The following HR variants were observed in gnomAD, a reference collection of about 807,000 sequenced individuals.
The protein encoded by HR is lysine-specific demethylase hairless.
A neutral mutation model predicts 128.6 loss-of-function variants in HR; 83 were observed. That is an observed-to-expected ratio of 0.65 (90% CI 0.54 to 0.77). The LOEUF (loss-of-function observed/expected upper bound fraction) is 0.77. HR is among the 30% of genes least tolerant of loss of function. The pLI, the probability that HR is intolerant of heterozygous loss-of-function variation, is 0.00. For missense variants in HR, 1,490 were observed against 1,574.6 expected (o/e 0.95, Z 0.91); for synonymous variants, 681 against 658.2 (o/e 1.03, Z -0.53).
At chr8:22,128,310 A>C (rs567831513) in intron 2 of HR, 2 of 602,822 alleles carry the variant, frequency 3.3e-6, no homozygotes, top group African/African-American at 3.7e-5. Context: ...CCAGGACCTT[A>C]TCCTAGGCAG....
At position 22,115,571 on chromosome 8, in the gene HR, CCA is replaced by C; in HGVS notation, c.*127_*128del. On this transcript the variant is annotated 3_prime_UTR_variant, in exon 19 of 19. Transcript: ENST00000381418. ...GGGGAACAGAGTGCCCTGCTTGTGC[CCA>C]GAGTGGTGCTTGTGGGGTTGACCAG... The C allele has an allele frequency of 1.2e-6, 1 of 804,992 alleles. No homozygotes were observed. The highest frequency in any genetic ancestry group is 2.6e-5 in the East Asian group (1 of 37,848). 49.9% of individuals were successfully genotyped at this position (804,992 alleles called of 1,614,324 possible). A position where few individuals can be genotyped will look rare whatever the true frequency, so the allele number is the denominator to read the frequency against.
chr8:22,120,561 G>C, intron 11 of HR, 54 bp from the exon 12 acceptor site: 1 of 1,607,334 alleles, frequency 6.2e-7, no homozygotes, highest in Non-Finnish European at 8.5e-7. Context: ...TGCCCGCCAT[G>C]GCCAGGCAAG....
At chr8:22,123,306 CG>C (rs1201036299) in intron 6 of HR, among the ~76,000 whole-genome samples, 1 of 152,156 alleles carries the variant, frequency 6.6e-6, no homozygotes, top group East Asian at 1.9e-4. Flanking sequence ...TGACCTTGGA[CG>C]AGTCGCTTAT....
In HR at chr8:22,116,923, G is replaced by A. The variant is rs770763256; in HGVS notation, c.3330C>T (p.Leu1110=). Reference sequence around the variant, plus strand: ...CCAGCACGGCCTCTCCGGGGGCCTGGAGCAGGGTCCAGCAGCTCACGCCCC... The same window carrying A: ...CCAGCACGGCCTCTCCGGGGGCCTGAAGCAGGGTCCAGCAGCTCACGCCCC... ...EEWGVSCWTL[L]QAPGEAVLVP... Residue 1110 remains leucine (L), a synonymous_variant, in exon 17 of 19, where the codon CTC becomes CTT. Transcript: ENST00000381418. The surrounding 1 kb of genome is among the most constrained non-coding windows in gnomAD (Gnocchi z 4.2). 20 of 1,555,758 alleles carry A rather than the reference G, an allele frequency of 1.3e-5. No individual in the cohort carries two copies. Among genetic ancestry groups the A allele is most frequent in the Non-Finnish European group, 1.6e-5 (19 of 1,156,044 alleles).
rs202057113 is a variant in HR, at chr8:22,127,223, G to C, written c.1219C>G (p.Arg407Gly). 4 of 1,612,954 alleles carry C rather than the reference G, an allele frequency of 2.5e-6. No individual in the cohort carries two copies. The highest frequency in any genetic ancestry group is 3.4e-6 in the Non-Finnish European group (4 of 1,180,022). ...CCTGCCCTTTTGAGGGCCCGGAGCC[G>C]AGCAACCGGCCTCTCCTCGACCTCA... ...CPEVEERPVA[R>G]LRALKRAGSP... Residue 407 changes from arginine (R) to glycine (G), a missense_variant, in exon 3 of 19, where the codon CGG becomes GGG. Arg to Gly is a moderately radical substitution (Grantham distance 125). Transcript: ENST00000381418.
chr8:22,123,527 G>A (rs1010323203), intron 6 of HR, 122 bp downstream of exon 6: 8 of 941,374 alleles, frequency 8.5e-6, no homozygotes, highest in Non-Finnish European at 1.3e-5. Context: ...TGGTGGCTGA[G>A]GCTGGGGCTG....
chr8:22,118,991 G>T lies in HR; in HGVS notation c.3172C>A (p.Arg1058=). 2 of 1,612,744 alleles carry T rather than the reference G, an allele frequency of 1.2e-6. No individual in the cohort carries two copies. The highest frequency in any genetic ancestry group is 2.2e-5 in the South Asian group (2 of 91,058). ...SQVSTVWHVF[R]AQDAQRIRRF... ...CGGATGCGCTGGGCGTCCTGTGCCCGGAACACGTGCCACACAGTGCTGACC... is the reference window on the plus strand; with the variant it reads ...CGGATGCGCTGGGCGTCCTGTGCCCTGAACACGTGCCACACAGTGCTGACC... The change falls in exon 16 of 19, where the codon CGG becomes AGG. Residue 1058 remains arginine, a synonymous_variant. Transcript: ENST00000381418.
intron 6 of HR, 33 bp downstream of exon 6, chr8:22,123,616 A>AGACCC: frequency 1.8e-6 from 1 of 562,348 alleles, no homozygotes. Flanking sequence ...TGAGGGCTCC[A>AGACCC]TCCCGCCCTC....
chr8:22,116,452 T>G lies in HR; in HGVS notation c.3379-24A>C. Reference sequence around the variant, plus strand: ...ACCTGTGTCGGGGGGACATGGACAGTGAGGCTCAAGATCACACATCCTCTC... The same window carrying G: ...ACCTGTGTCGGGGGGACATGGACAGGGAGGCTCAAGATCACACATCCTCTC... On this transcript the variant is annotated intron_variant, in intron 17 of 18. Transcript: ENST00000381418. This position sits in a 1 kb window ranked among gnomAD's most constrained non-coding sequence, Gnocchi z 4.2. The G allele has an allele frequency of 1.2e-6, 2 of 1,612,174 alleles. No individual in the cohort carries two copies. The highest frequency in any genetic ancestry group is 1.7e-6 in the Non-Finnish European group (2 of 1,179,196).
In HR at chr8:22,122,511, G is replaced by A. The variant is rs777959884; in HGVS notation, c.2103C>T (p.Pro701=). 21 of 1,608,696 alleles carry A rather than the reference G, an allele frequency of 1.3e-5. No homozygotes were observed. The highest frequency in any genetic ancestry group is 4.0e-5 in the African/African-American group (3 of 74,816). The change falls in exon 8 of 19, where the codon CCC becomes CCT. Residue 701 remains proline, a synonymous_variant. Transcript: ENST00000381418. ...PCQADARVWA[P]GDAGQQKEST... ...GTCTTACCTGCTGGCCTGCATCCCC[G>A]GGGGCCCATACCCGGGCATCAGCTT...
In HR at chr8:22,116,971, C is replaced by T. The variant is rs1188357825; in HGVS notation, c.3282G>A (p.Leu1094=). Residue 1094 remains leucine (L), a synonymous_variant, in exon 17 of 19, where the codon CTG becomes CTA. Transcript: ENST00000381418. This position sits in a 1 kb window ranked among gnomAD's most constrained non-coding sequence, Gnocchi z 4.2. Reference sequence around the variant, plus strand: ...CCCACTCCTCCCGCAGGCGCCGCCGCAGCCCTGCATCCAGGTAGCAGCTGC... The same window carrying T: ...CCCACTCCTCCCGCAGGCGCCGCCGTAGCCCTGCATCCAGGTAGCAGCTGC... The part of the protein sequence containing the change: ...APGSCYLDAG[L]RRRLREEWGV... 9 of 1,536,664 alleles carry T rather than the reference C, an allele frequency of 5.9e-6. No individual in the cohort carries two copies. In the South Asian group the frequency reaches 9.5e-5, roughly 16 times the overall value.
Position 22,116,963 on chromosome 8 carries a change from C to T in HR, c.3290G>A (p.Arg1097His), listed in dbSNP as rs1196257947. Residue 1097 changes from arginine to histidine, a missense_variant, in exon 17 of 19, where the codon CGC becomes CAC. Around this residue, in one of 3 missense-constraint regions of HR, gnomAD observed 423 missense variants for 495.9 expected, o/e 0.85. Transcript: ENST00000381418. The surrounding 1 kb of genome is among the most constrained non-coding windows in gnomAD (Gnocchi z 4.2). ...SCYLDAGLRR[R>H]LREEWGVSCW... Reference sequence around the variant, plus strand: ...GCTCACGCCCCACTCCTCCCGCAGGCGCCGCCGCAGCCCTGCATCCAGGTA... The same window carrying T: ...GCTCACGCCCCACTCCTCCCGCAGGTGCCGCCGCAGCCCTGCATCCAGGTA... The T allele has an allele frequency of 2.6e-5, 40 of 1,538,126 alleles. 1 individual carries two copies. The highest frequency in any genetic ancestry group is 3.4e-5 in the Non-Finnish European group (39 of 1,147,248).
At chr8:22,117,334 G>A (rs1453112240) in intron 16 of HR, 6 of 412,652 alleles carry the variant, frequency 1.5e-5, no homozygotes, top group East Asian at 1.2e-4. Flanking sequence ...CTGTGACCTC[G>A]GCCCCTCTCC....
At position 22,120,357 on chromosome 8, in the gene HR, A is replaced by G; in HGVS notation, c.2761T>C (p.Phe921Leu). The change falls in exon 12 of 19, where the codon TTC (phenylalanine) becomes CTC (leucine). Residue 921 changes from phenylalanine to leucine, a missense_variant. Phe to Leu is a conservative substitution (Grantham distance 22). Coordinates refer to ENST00000381418, the MANE Select transcript of HR (RefSeq NM_005144.5). ...GGACACTTACGCTCAGGCCAGGAGA[A>G]GCCCTCCCAGAATGTTGTGCTGCCC... ...SLGSTTFWEG[F>L]SWPELRPKSD... is the part of the protein sequence containing the mutation. 6.2e-7 allele frequency: 1 copy of G among 1,613,850 alleles called. No homozygotes were observed. Among genetic ancestry groups the G allele is most frequent in the Non-Finnish European group, 8.5e-7 (1 of 1,180,014 alleles).
rs528201496 is a variant in HR at position 22,122,710 on chromosome 8, G to A, written c.2005+80C>T. The A allele has an allele frequency of 1.3e-5, 19 of 1,488,268 alleles. No homozygotes were observed. The Admixed American group carries it at 3.7e-4, about 29-fold the overall frequency. The allele number at this position is 1,488,268 out of a possible 1,614,324, so 92.2% of individuals were successfully genotyped here. A position where few individuals can be genotyped will look rare whatever the true frequency, so the allele number is the denominator to read the frequency against. The stretch of plus-strand genomic sequence containing the variant: ...TGCCAAGCAGAAGGGCATGGCACTG[G>A]GGGGAGGGACAATCAGACGGGAAGC... On this transcript the variant is annotated intron_variant, in intron 7 of 18. Coordinates refer to ENST00000381418, the MANE Select transcript of HR (RefSeq NM_005144.5).
At chr8:22,115,812 A>G in intron 18 of HR, 50 bp from the exon 19 acceptor site, 2 of 1,559,170 alleles carry the variant, frequency 1.3e-6, no homozygotes, top group South Asian at 1.1e-5. Flanking sequence ...TCCTGGGCCC[A>G]CCCGCTGTCC....
chr8:22,115,485 T>G lies in HR; in HGVS notation c.*215A>C. ...GAAAAGGGGCACAGGGTGGGGGAGA[T>G]GCCAGCCTGAGAAGGACAGGTGTGA... is the stretch of plus-strand genomic sequence containing the variant. On this transcript the variant is annotated 3_prime_UTR_variant, in exon 19 of 19. Coordinates refer to ENST00000381418, the MANE Select transcript of HR (RefSeq NM_005144.5). 1.6e-6 allele frequency: 1 copy of G among 622,994 alleles called. No individual in the cohort carries two copies. The highest frequency in any genetic ancestry group is 2.9e-6 in the Non-Finnish European group (1 of 342,142). The allele number at this position is 622,994 out of a possible 1,614,324, so 38.6% of individuals were successfully genotyped here.
rs561556739 is a variant in HR at position 22,123,861 on chromosome 8, C to T, written c.1751-48G>A. 1.1e-5 allele frequency: 17 copies of T among 1,560,348 alleles called. No individual in the cohort carries two copies. The African/African-American group carries it at 2.3e-4, about 21-fold the overall frequency. ...GGTCAGAGGGTGAAGGCAACAGGCC[C>T]CAATGGAAGGCTTCACGTGGGAAGG... On this transcript the variant is annotated intron_variant, in intron 5 of 18. Transcript: ENST00000381418.
At position 22,118,935 on chromosome 8, in the gene HR, C is replaced by T. The variant is rs559241081; in HGVS notation, c.3213+15G>A. 6.8e-6 allele frequency: 11 copies of T among 1,606,032 alleles called. No individual in the cohort carries two copies. Among genetic ancestry groups the T allele is most frequent in the South Asian group, 3.3e-5 (3 of 90,898 alleles). ...TGGGCGGGGGGAAGGGGAGGGCTCCCGGCTGCCTCCTCACCATCTGGAGAA... is the reference window on the plus strand; with the variant it reads ...TGGGCGGGGGGAAGGGGAGGGCTCCTGGCTGCCTCCTCACCATCTGGAGAA... On this transcript the variant is annotated intron_variant, in intron 16 of 18. Coordinates refer to ENST00000381418, the MANE Select transcript of HR (RefSeq NM_005144.5).
Sources: allele counts gnomAD v4.1 joint callset (sites outside exome capture counted in the v4.1 genomes callset), GRCh38; gene constraint gnomAD v4.1.1; regional missense constraint gnomAD v4.1.1; non-coding constraint Gnocchi (gnomAD v3.1); transcripts MANE v1.5; gene names NCBI Gene and HGNC (gene_info 2026-07-23, HGNC 2026-07-21).